PEBP4: variants seen among roughly 807,000 people sequenced by gnomAD.
PEBP4 encodes phosphatidylethanolamine binding protein 4, also known as phosphatidylethanolamine-binding protein 4.
In PEBP4, 22 loss-of-function variants were observed where a neutral mutation model predicts 23.9. The ratio of observed to expected loss-of-function variants is 0.92; its 90% confidence interval spans 0.66 to 1.31. The LOEUF (loss-of-function observed/expected upper bound fraction) is 1.31, where lower values mean the gene tolerates loss of function less well. Among genes scored for constraint, PEBP4 ranks in the 40% most tolerant of loss-of-function variants. The pLI is 0.00. For synonymous variants in PEBP4, 112 were observed against 99.3 expected (o/e 1.13, Z -0.76); for missense variants, 324 against 281.7 (o/e 1.15, Z -1.07).
chr8:22,744,315 A>G (rs1805063363), intron 4 of PEBP4, among the ~76,000 whole-genome samples: 1 of 152,234 alleles, frequency 6.6e-6, no homozygotes, highest in African/African-American at 2.4e-5. Context: ...ATGCAGAGAT[A>G]GACTCACCTG....
intron 4 of PEBP4, among the ~76,000 whole-genome samples, chr8:22,788,081 T>A (rs901141880): frequency 3.3e-5 from 5 of 149,642 alleles, no homozygotes; most frequent in East Asian, 2.0e-4. Context: ...TGGGAACATA[T>A]GAAGGGAAGG....
At chr8:22,755,477 A>G (rs1805361389) in intron 4 of PEBP4, among the ~76,000 whole-genome samples, 2 of 151,990 alleles carry the variant, frequency 1.3e-5, no homozygotes, top group South Asian at 4.2e-4. Context: ...CTGGGATTAC[A>G]GGTGCCCGCC....
chr8:22,923,232 T>A (rs924537494), intron 2 of PEBP4, among the ~76,000 whole-genome samples: 4 of 152,096 alleles, frequency 2.6e-5, no homozygotes, highest in African/African-American at 9.7e-5. Context: ...CAGGCTTCAG[T>A]TTGAGCTAGG....
At chr8:22,790,458 C>T (rs114088828) in intron 4 of PEBP4, among the ~76,000 whole-genome samples, 2,802 of 152,246 alleles carry the variant, frequency 0.018, 76 homozygotes, top group African/African-American at 0.064. Context: ...CTTGGCATAC[C>T]GGTGGGGGAA....
At chr8:22,862,589 G>A (rs1206006340) in intron 3 of PEBP4, among the ~76,000 whole-genome samples, 3 of 152,080 alleles carry the variant, frequency 2.0e-5, no homozygotes, top group African/African-American at 7.2e-5. Flanking sequence ...ACCATTTATT[G>A]AGCATTTATT....
chr8:22,845,230 G>A lies in PEBP4; in HGVS notation c.259-27495C>T, dbSNP rs78309139. Among the ~76,000 whole-genome samples, 777 of 152,230 alleles carry A rather than the reference G, an allele frequency of 5.1e-3. 3 individuals carry two copies. Among genetic ancestry groups the A allele is most frequent in the Non-Finnish European group, 7.0e-3 (477 of 67,992 alleles). On this transcript the variant is annotated intron_variant, in intron 3 of 6. Transcript: ENST00000256404. ...GCCTGGGAGTGAGGGTGGGGTTAGG[G>A]AGGAAAGTAAATCCATCATCAGACC...
chr8:22,886,499 T>C (rs1332058379), intron 3 of PEBP4: 2 of 152,264 alleles, frequency 1.3e-5, no homozygotes, highest in South Asian at 2.1e-4. Context: ...AATGGAATCA[T>C]GTAGCAAGCA....
At position 22,865,361 on chromosome 8, in the gene PEBP4, G is replaced by T; in HGVS notation, c.259-47626C>A. Among the ~76,000 whole-genome samples, 1 of 27,730 alleles carries T rather than the reference G, an allele frequency of 3.6e-5. No individual in the cohort carries two copies. Among genetic ancestry groups the T allele is most frequent in the Non-Finnish European group, 1.0e-4 (1 of 9,742 alleles). The allele number at this position is 27,730 out of a possible 152,430, so 18.2% of individuals were successfully genotyped here. On this transcript the variant is annotated intron_variant, in intron 3 of 6. Coordinates refer to ENST00000256404, the MANE Select transcript of PEBP4 (RefSeq NM_144962.3). This position sits in a 1 kb window ranked among gnomAD's most constrained non-coding sequence, Gnocchi z 6.9. ...GTCTCCCGCTGCCCACCCACGGGCG[G>T]TGACGGTGGCGGTGGCGGTGGCGGC...
At chr8:22,729,455 G>A (rs1804686991) in intron 4 of PEBP4, among the ~76,000 whole-genome samples, 6 of 152,260 alleles carry the variant, frequency 3.9e-5, no homozygotes, top group Admixed American at 3.9e-4. Flanking sequence ...GCAGGCAAGG[G>A]TGGGGGCCAG....
intron 4 of PEBP4, among the ~76,000 whole-genome samples, chr8:22,805,241 T>C (rs1013934045): frequency 1.3e-5 from 2 of 152,208 alleles, no homozygotes; most frequent in Admixed American, 1.3e-4. Context: ...CTATACAACA[T>C]GCAACATCAA....
At chr8:22,713,684 G>C (rs921734776) in intron 6 of PEBP4, 148 bp from the exon 7 acceptor site, 1 of 1,126,124 alleles carries the variant, frequency 8.9e-7, no homozygotes, top group Non-Finnish European at 1.3e-6. Context: ...GGGAGCTTCC[G>C]GCTCCTGTTG....
At chr8:22,755,391 A>G (rs1297961996) in intron 4 of PEBP4, among the ~76,000 whole-genome samples, 1 of 130,606 alleles carries the variant, frequency 7.7e-6, no homozygotes, top group Non-Finnish European at 1.5e-5. Context: ...GCTGCCGCGC[A>G]GTGGCGTGAT....
Position 22,911,456 on chromosome 8 carries a change from G to C in PEBP4, c.258+8728C>G, listed in dbSNP as rs150452954. 7.6e-4 allele frequency among the ~76,000 whole-genome samples: 116 copies of C among 152,278 alleles called. 1 individual carries two copies. In the East Asian group the frequency reaches 0.018, roughly 24 times the overall value. ...CCCAGCAGCAGCTCCCCACAGCAGA[G>C]CTGGGAGCTCCACCCACCTCCTTCT... On this transcript the variant is annotated intron_variant, in intron 3 of 6. Transcript: ENST00000256404.
At chr8:22,851,391 A>G (rs1460426603) in intron 3 of PEBP4, among the ~76,000 whole-genome samples, 1 of 152,154 alleles carries the variant, frequency 6.6e-6, no homozygotes, top group African/African-American at 2.4e-5. Context: ...ACTCCCATCA[A>G]GGAAGTGCTT....
At chr8:22,750,302 A>T (rs1173892097) in intron 4 of PEBP4, among the ~76,000 whole-genome samples, 1 of 147,898 alleles carries the variant, frequency 6.8e-6, no homozygotes, top group Non-Finnish European at 1.5e-5. Flanking sequence ...GGGTTTCACC[A>T]CTTTGGTCAG....
At chr8:22,889,980 T>C (rs901783264) in intron 3 of PEBP4, among the ~76,000 whole-genome samples, 4 of 152,216 alleles carry the variant, frequency 2.6e-5, no homozygotes, top group African/African-American at 9.7e-5. Context: ...CCAAGCAATA[T>C]TGAGGTCTCT....
intron 3 of PEBP4, among the ~76,000 whole-genome samples, chr8:22,878,911 A>G (rs1808185573): frequency 6.6e-6 from 1 of 152,252 alleles, no homozygotes; most frequent in Non-Finnish European, 1.5e-5. Flanking sequence ...CTGGTTTCTT[A>G]TCACAGAGCA....
chr8:22,913,073 A>G lies in PEBP4; in HGVS notation c.258+7111T>C, dbSNP rs182403858. Among the ~76,000 whole-genome samples, 147 of 152,212 alleles carry G rather than the reference A, an allele frequency of 9.7e-4. 1 individual carries two copies. Among genetic ancestry groups the G allele is most frequent in the Admixed American group, 4.7e-3 (72 of 15,296 alleles). The stretch of plus-strand genomic sequence containing the variant: ...TGTGTCTTCTGTCCTTCAGACTACA[A>G]ATCCATCTCTTTCTATTGTAGTGAC... On this transcript the variant is annotated intron_variant, in intron 3 of 6. Coordinates refer to ENST00000256404, the MANE Select transcript of PEBP4 (RefSeq NM_144962.3).
intron 3 of PEBP4, among the ~76,000 whole-genome samples, chr8:22,830,400 G>A (rs866786773): frequency 2.8e-4 from 42 of 151,828 alleles, no homozygotes; most frequent in African/African-American, 9.7e-4. Flanking sequence ...TGCCTGCCTC[G>A]GCCTCCCAAA....
Sources: gnomAD v4.1 joint callset for allele counts (sites outside exome capture counted in the v4.1 genomes callset) on GRCh38, gnomAD v4.1.1 for gene constraint, Gnocchi (gnomAD v3.1) non-coding constraint, MANE v1.5 for transcripts, NCBI Gene and HGNC (gene_info 2026-07-23, HGNC 2026-07-21) for gene names.